The following VSNL1 variants were observed in gnomAD, a reference collection of about 807,000 sequenced individuals.
VSNL1 encodes visinin like 1.
A neutral mutation model predicts 20.4 loss-of-function variants in VSNL1; 6 were observed. The ratio of observed to expected loss-of-function variants is 0.29; its 90% CI spans 0.16 to 0.58. The LOEUF is 0.58. Among genes scored for constraint, VSNL1 ranks in the 20% least tolerant of loss-of-function variants. The probability of loss-of-function intolerance (pLI) is 0.90; values close to 1 mark genes in which losing one functional copy is unlikely to be tolerated. For synonymous variants in VSNL1, 93 were observed against 86.4 expected (o/e 1.08, Z -0.42); for missense variants, 100 against 234.5 (o/e 0.43, Z 3.75).
intron 1 of VSNL1, among the ~76,000 whole-genome samples, chr2:17,578,036 T>C (rs1015685209): frequency 3.9e-5 from 6 of 152,184 alleles, no homozygotes; most frequent in African/African-American, 1.2e-4. Flanking sequence ...CATGAACACA[T>C]AGTGAGCACT....
At chr2:17,628,127 A>G (rs1665552208) in intron 2 of VSNL1, among the ~76,000 whole-genome samples, 2 of 152,260 alleles carry the variant, frequency 1.3e-5, no homozygotes, top group Admixed American at 1.3e-4. Context: ...AGAAGTACAA[A>G]TAAAAGGTTA....
chr2:17,628,486 G>GT (rs954830521), intron 2 of VSNL1, among the ~76,000 whole-genome samples: 3 of 147,490 alleles, frequency 2.0e-5, no homozygotes, highest in East Asian at 3.9e-4. Context: ...TGACATTGTG[G>GT]TTTTTTTAAG....
intron 1 of VSNL1, among the ~76,000 whole-genome samples, chr2:17,587,939 T>C (rs573192160): frequency 6.6e-6 from 1 of 152,332 alleles, no homozygotes; most frequent in South Asian, 2.1e-4. Flanking sequence ...TGCCATCTTC[T>C]CTGGACATCA....
chr2:17,544,223 A>G (rs1322727016), intron 1 of VSNL1, among the ~76,000 whole-genome samples: 1 of 152,228 alleles, frequency 6.6e-6, no homozygotes, highest in Non-Finnish European at 1.5e-5. Context: ...TTAACAATTT[A>G]ATTTAACCCC....
intron 3 of VSNL1, among the ~76,000 whole-genome samples, chr2:17,650,944 T>C (rs1433872347): frequency 1.3e-5 from 2 of 152,220 alleles, no homozygotes; most frequent in African/African-American, 2.4e-5. Context: ...CAATTGAATA[T>C]ATATTTTTTC....
chr2:17,641,406 C>T (rs1665879870), intron 2 of VSNL1, among the ~76,000 whole-genome samples: 1 of 152,304 alleles, frequency 6.6e-6, no homozygotes, highest in African/African-American at 2.4e-5. Flanking sequence ...AACAATCTTT[C>T]CAGTCTAGCA....
intron 2 of VSNL1, 135 bp downstream of exon 2, chr2:17,592,371 A>C: frequency 3.2e-6 from 3 of 949,146 alleles, no homozygotes; most frequent in Middle Eastern, 3.4e-4. Context: ...TCCAGAAAGA[A>C]AAATTAACAT....
At chr2:17,604,175 C>A (rs1476328270) in intron 2 of VSNL1, among the ~76,000 whole-genome samples, 1 of 152,204 alleles carries the variant, frequency 6.6e-6, no homozygotes, top group African/African-American at 2.4e-5. Flanking sequence ...GGGTGTGGTG[C>A]AGGAGCTGAA....
intron 1 of VSNL1, among the ~76,000 whole-genome samples, chr2:17,550,544 A>C (rs1663509180): frequency 6.6e-6 from 1 of 152,218 alleles, no homozygotes; most frequent in African/African-American, 2.4e-5. Context: ...TCTAGCAAAG[A>C]AGCTTTGGAA....
chr2:17,573,807 C>A (rs1376666530), intron 1 of VSNL1, among the ~76,000 whole-genome samples: 1 of 152,184 alleles, frequency 6.6e-6, no homozygotes, highest in Non-Finnish European at 1.5e-5. Flanking sequence ...GGCTTTGGAA[C>A]AAGATCTGCC....
chr2:17,559,961 A>G (rs957516188), intron 1 of VSNL1, among the ~76,000 whole-genome samples: 1 of 152,006 alleles, frequency 6.6e-6, no homozygotes, highest in Non-Finnish European at 1.5e-5. Context: ...AAAAATTAGT[A>G]AAAACTGGAT....
chr2:17,646,671 GATT>G (rs1183131029), intron 2 of VSNL1, among the ~76,000 whole-genome samples: 5 of 152,194 alleles, frequency 3.3e-5, no homozygotes, highest in East Asian at 1.9e-4. Context: ...ATTATTTATA[GATT>G]ATTACTGCCA....
At chr2:17,549,714 C>A (rs1256624915) in intron 1 of VSNL1, among the ~76,000 whole-genome samples, 1 of 152,192 alleles carries the variant, frequency 6.6e-6, no homozygotes, top group East Asian at 1.9e-4. Flanking sequence ...TCCCAGTGCT[C>A]ATTTTCATGT....
intron 1 of VSNL1, among the ~76,000 whole-genome samples, chr2:17,565,244 CT>C: frequency 6.6e-6 from 1 of 152,102 alleles, no homozygotes; most frequent in Middle Eastern, 3.4e-3. Context: ...AAAGAAAATA[CT>C]TTTTTATTGG....
intron 2 of VSNL1, among the ~76,000 whole-genome samples, chr2:17,618,036 G>T (rs1045071311): frequency 3.9e-5 from 6 of 152,146 alleles, no homozygotes; most frequent in Non-Finnish European, 7.3e-5. Context: ...AAAGAATATG[G>T]GGAGGGGGAT....
At chr2:17,619,548 G>C (rs1204189969) in intron 2 of VSNL1, among the ~76,000 whole-genome samples, 2 of 152,066 alleles carry the variant, frequency 1.3e-5, no homozygotes, top group Admixed American at 6.5e-5. Flanking sequence ...TACTCTTAAG[G>C]GTGCTTTGGT....
At chr2:17,599,613 TTC>T (rs1046686876) in intron 2 of VSNL1, among the ~76,000 whole-genome samples, 25 of 152,164 alleles carry the variant, frequency 1.6e-4, no homozygotes, top group African/African-American at 6.0e-4. Flanking sequence ...TTCTCTCTTG[TTC>T]TCTCTCTCTT....
intron 1 of VSNL1, among the ~76,000 whole-genome samples, chr2:17,556,343 G>A (rs1163531253): frequency 1.3e-5 from 2 of 152,150 alleles, no homozygotes; most frequent in African/African-American, 4.8e-5. Flanking sequence ...ATAAAAGGAA[G>A]TAAATTATTA....
intron 1 of VSNL1, among the ~76,000 whole-genome samples, chr2:17,586,457 G>A (rs912835457): frequency 6.6e-6 from 1 of 152,212 alleles, no homozygotes; most frequent in African/African-American, 2.4e-5. Context: ...GGTGACAGGT[G>A]AAGGTGCCTG....
Sources: gnomAD v4.1 joint callset for allele counts (sites outside exome capture counted in the v4.1 genomes callset) on GRCh38, gnomAD v4.1.1 for gene constraint, MANE v1.5 for transcripts, NCBI Gene and HGNC (gene_info 2026-07-23, HGNC 2026-07-21) for gene names.